Variants in NAALADL2 observed in about 807,000 individuals in gnomAD.
The protein encoded by NAALADL2 is N-acetylated alpha-linked acidic dipeptidase like 2.
Under a neutral mutation model 87.2 loss-of-function variants are expected in NAALADL2, and 76 were observed. The observed-to-expected ratio is 0.87, with a 90% CI of 0.72 to 1.05. NAALADL2 has a LOEUF of 1.05. Among genes scored for constraint, NAALADL2 ranks in the 50% least tolerant of loss-of-function variants. The pLI, the probability that NAALADL2 is intolerant of heterozygous loss-of-function variation, is 0.00. For synonymous variants in NAALADL2, 354 were observed against 331.0 expected (o/e 1.07, Z -0.75); for missense variants, 1,089 against 945.8 (o/e 1.15, Z -1.99).
At chr3:175,380,787 T>C (rs1029370605) in intron 5 of NAALADL2, among the ~76,000 whole-genome samples, 2 of 152,170 alleles carry the variant, frequency 1.3e-5, no homozygotes, top group Non-Finnish European at 2.9e-5. Flanking sequence ...TAACTACATG[T>C]CTTTGCCTAT....
intron 2 of NAALADL2, among the ~76,000 whole-genome samples, chr3:174,589,855 G>A (rs952187848): frequency 2.0e-5 from 3 of 147,492 alleles, no homozygotes; most frequent in Non-Finnish European, 4.5e-5. Context: ...TGTTGTTGCT[G>A]TGTTTTTTTT....
At chr3:175,494,311 T>C (rs2149352444) in intron 9 of NAALADL2, among the ~76,000 whole-genome samples, 1 of 152,280 alleles carries the variant, frequency 6.6e-6, no homozygotes, top group Middle Eastern at 3.4e-3. Context: ...TACAATATGG[T>C]GATAAACATG....
At chr3:175,222,218 C>A (rs1743493755) in intron 2 of NAALADL2, among the ~76,000 whole-genome samples, 1 of 152,014 alleles carries the variant, frequency 6.6e-6, no homozygotes, top group South Asian at 2.1e-4. Context: ...TTTTGTATTT[C>A]CTTAGATGTA....
intron 3 of NAALADL2, among the ~76,000 whole-genome samples, chr3:174,792,283 G>A (rs1276847718): frequency 1.3e-5 from 2 of 151,330 alleles, no homozygotes; most frequent in Admixed American, 6.6e-5. Flanking sequence ...AAGGAGGGAG[G>A]GAAGGAGGGA....
chr3:175,684,264 C>T (rs1190122565), intron 11 of NAALADL2, among the ~76,000 whole-genome samples: 5 of 151,810 alleles, frequency 3.3e-5, no homozygotes, highest in Non-Finnish European at 5.9e-5. Flanking sequence ...AAAAAATATC[C>T]AAATGGAGCA....
intron 5 of NAALADL2, among the ~76,000 whole-genome samples, chr3:175,429,193 A>ACG: frequency 8.1e-6 from 1 of 123,098 alleles, no homozygotes; most frequent in South Asian, 3.0e-4. Flanking sequence ...ACACACACAC[A>ACG]CACACACACA....
chr3:174,656,968 A>G (rs1173115616), intron 2 of NAALADL2, among the ~76,000 whole-genome samples: 3 of 151,422 alleles, frequency 2.0e-5, no homozygotes, highest in Non-Finnish European at 4.4e-5. Flanking sequence ...AACTTAAGAG[A>G]TAAGGGCTTC....
intron 4 of NAALADL2, among the ~76,000 whole-genome samples, chr3:175,293,036 CAAAAAAAAAA>C (rs568981496): frequency 2.2e-4 from 11 of 49,426 alleles, no homozygotes; most frequent in African/African-American, 7.0e-4. Context: ...GACTCCGTCT[CAAAAAAAAAA>C]AAAAAAAAAA....
chr3:175,433,487 C>G (rs1718117486), intron 5 of NAALADL2, among the ~76,000 whole-genome samples: 1 of 151,910 alleles, frequency 6.6e-6, no homozygotes, highest in Non-Finnish European at 1.5e-5. Flanking sequence ...ACAAAGATAC[C>G]ATTCCTATCC....
chr3:175,725,728 G>A (rs1742829639), intron 11 of NAALADL2, among the ~76,000 whole-genome samples: 1 of 152,120 alleles, frequency 6.6e-6, no homozygotes, highest in Admixed American at 6.6e-5. Flanking sequence ...CCATGTACTA[G>A]CTACGTGGAC....
intron 1 of NAALADL2, among the ~76,000 whole-genome samples, chr3:174,532,900 C>A (rs1194675132): frequency 6.6e-6 from 1 of 151,848 alleles, no homozygotes; most frequent in Admixed American, 6.6e-5. Context: ...CCTGATCAAT[C>A]TTTTATTCTT....
At chr3:175,592,349 A>T (rs1427912783) in intron 10 of NAALADL2, among the ~76,000 whole-genome samples, 7 of 141,446 alleles carry the variant, frequency 4.9e-5, no homozygotes, top group African/African-American at 1.6e-4. Flanking sequence ...TGCTGAGTTC[A>T]ATTATTTTTT....
At chr3:174,849,161 T>A (rs140733420) in intron 3 of NAALADL2, among the ~76,000 whole-genome samples, 17 of 152,304 alleles carry the variant, frequency 1.1e-4, no homozygotes, top group Admixed American at 2.0e-4. Flanking sequence ...ACTAGGACAT[T>A]ACTGTAAACT....
At position 175,582,456 on chromosome 3, in the gene NAALADL2, T is replaced by G. The variant is rs553284916; in HGVS notation, c.1800+6269T>G. Among the ~76,000 whole-genome samples, 5 of 152,330 alleles carry G rather than the reference T, an allele frequency of 3.3e-5. No homozygotes were observed. The South Asian group carries it at 1.0e-3, about 32-fold the overall frequency. On this transcript the variant is annotated intron_variant, in intron 10 of 13. Coordinates refer to ENST00000454872, the MANE Select transcript of NAALADL2 (RefSeq NM_207015.3). Reference sequence around the variant, plus strand: ...TAATTCTAATGCTGCTTTCAGTGATTATCTTGTGATCATCTTTGTTATGAT... The same window carrying G: ...TAATTCTAATGCTGCTTTCAGTGATGATCTTGTGATCATCTTTGTTATGAT...
At chr3:174,870,645 G>A (rs1401989364) in intron 1 of NAALADL2, among the ~76,000 whole-genome samples, 1 of 151,694 alleles carries the variant, frequency 6.6e-6, no homozygotes, top group Non-Finnish European at 1.5e-5. Context: ...GACAGAGCTA[G>A]GATTTAAATC....
intron 4 of NAALADL2, among the ~76,000 whole-genome samples, chr3:175,274,171 C>T (rs896845897): frequency 1.3e-5 from 2 of 152,078 alleles, no homozygotes; most frequent in African/African-American, 2.4e-5. Flanking sequence ...AAGCAAGACA[C>T]GTCTTTGTGG....
chr3:174,763,050 A>G (rs1025151585), intron 3 of NAALADL2, among the ~76,000 whole-genome samples: 1 of 152,136 alleles, frequency 6.6e-6, no homozygotes, highest in Admixed American at 6.5e-5. Context: ...AAATTAATCA[A>G]TGTACAGTTA....
At chr3:175,165,163 G>C (rs771364688) in intron 2 of NAALADL2, among the ~76,000 whole-genome samples, 1 of 152,062 alleles carries the variant, frequency 6.6e-6, no homozygotes, top group Non-Finnish European at 1.5e-5. Context: ...CACCCAAGCC[G>C]AAACAGATAA....
intron 9 of NAALADL2, among the ~76,000 whole-genome samples, chr3:175,517,461 T>A (rs1030119845): frequency 4.6e-5 from 7 of 152,330 alleles, no homozygotes; most frequent in Non-Finnish European, 1.0e-4. Flanking sequence ...ATTACAGAAT[T>A]AAAACTAAAT....
Sources: gnomAD v4.1 joint callset for allele counts (sites outside exome capture counted in the v4.1 genomes callset) on GRCh38, gnomAD v4.1.1 for gene constraint, MANE v1.5 for transcripts, NCBI Gene and HGNC (gene_info 2026-07-23, HGNC 2026-07-21) for gene names.